WRN: variants seen among roughly 807,000 people sequenced by gnomAD.
The protein encoded by WRN is WRN RecQ like helicase.
WRN carries 149 observed loss-of-function variants against 180.7 expected under a neutral mutation model. That is an observed-to-expected ratio of 0.82 (90% CI 0.72 to 0.94). The LOEUF is 0.94. WRN is among the 40% of genes least tolerant of loss of function. The pLI is 0.00. For synonymous variants in WRN, 548 were observed against 568.9 expected, an observed-to-expected ratio of 0.96 and a Z score of 0.52; for missense variants, 1,661 against 1,700.1, an observed-to-expected ratio of 0.98 and a Z score of 0.40.
chr8:31,143,364 T>A (rs1802735633), intron 27 of WRN, among the ~76,000 whole-genome samples, 186 bp from the exon 28 acceptor site: 1 of 152,200 alleles, frequency 6.6e-6, no homozygotes, highest in Admixed American at 6.5e-5. Flanking sequence ...GACATTGGAA[T>A]GCGTTTCTAA....
rs1230655423 is a variant in WRN, at chr8:31,083,910, C to T, written c.1350+131C>T. On this transcript the variant is annotated intron_variant, in intron 10 of 34. Coordinates refer to ENST00000298139, the MANE Select transcript of WRN (RefSeq NM_000553.6). ...CTACTAATTATGTAACATTAGATTT[C>T]ACATTTTCCAATTCATGTTTCTTTC... is the stretch of plus-strand genomic sequence containing the variant. 7 of 984,600 alleles carry T rather than the reference C, an allele frequency of 7.1e-6. No homozygotes were observed. In the East Asian group the frequency reaches 1.9e-4, roughly 27 times the overall value. The allele number at this position is 984,600 out of a possible 1,614,324, so 61.0% of individuals were successfully genotyped here.
Position 31,059,539 on chromosome 8 carries a change from G to GT in WRN, c.209+280dup, listed in dbSNP as rs1176960446. Among the ~76,000 whole-genome samples the GT allele has an allele frequency of 4.6e-5, 7 of 152,108 alleles. 1 individual carries two copies. The South Asian group carries it at 1.5e-3, about 32-fold the overall frequency. ...ATGTGCTGCTGAAGCGAGCACGACA[G>GT]TTTTTTAACTTTCAGTACTTAAGAT... On this transcript the variant is annotated intron_variant, in intron 3 of 34. Transcript: ENST00000298139.
intron 33 of WRN, among the ~76,000 whole-genome samples, chr8:31,159,881 G>T (rs2130490366): frequency 6.7e-6 from 1 of 148,724 alleles, no homozygotes; most frequent in East Asian, 2.0e-4. Flanking sequence ...GGAGGCGGAG[G>T]TTGCAGTGAG....
In WRN at chr8:31,083,699, C is replaced by T. The variant is rs2130132983; in HGVS notation, c.1270C>T (p.His424Tyr). The change falls in exon 10 of 35, where the codon CAT (histidine) becomes TAT (tyrosine). Residue 424 changes from histidine to tyrosine, a missense_variant and splice_region_variant. Coordinates refer to ENST00000298139, the MANE Select transcript of WRN (RefSeq NM_000553.6). ...TTAATGCTTAATACTTTTTTTAAAG[C>T]ATTTATCTCCCAATGATAATGAAAA... ...LSDIAYKSTE[H>Y]LSPNDNENDT... 1 of 1,609,936 alleles carries T rather than the reference C, an allele frequency of 6.2e-7. No homozygotes were observed. Among genetic ancestry groups the T allele is most frequent in the Non-Finnish European group, 8.5e-7 (1 of 1,177,024 alleles).
chr8:31,098,379 G>T (rs1814078745), intron 17 of WRN, among the ~76,000 whole-genome samples: 1 of 152,064 alleles, frequency 6.6e-6, no homozygotes, highest in African/African-American at 2.4e-5. Flanking sequence ...TGAATAATAA[G>T]CTTAAGTATT....
rs998026026 is a variant in WRN, at chr8:31,173,655, A to T, written c.*553A>T. On this transcript the variant is annotated 3_prime_UTR_variant, in exon 35 of 35. Transcript: ENST00000298139. ...TAAATAGGGAAAAAACATGTAAAAA[A>T]TGTAAAATGGAGACCAATTGCACTA... The T allele has an allele frequency of 5.3e-5, 9 of 168,972 alleles. No homozygotes were observed. The highest frequency in any genetic ancestry group is 1.9e-4 in the African/African-American group (8 of 42,030). The allele number at this position is 168,972 out of a possible 1,614,324, so 10.5% of individuals were successfully genotyped here. A position where few individuals can be genotyped will look rare whatever the true frequency, so the allele number is the denominator to read the frequency against.
At chr8:31,044,517 C>T (rs1811785100) in intron 1 of WRN, among the ~76,000 whole-genome samples, 1 of 151,850 alleles carries the variant, frequency 6.6e-6, no homozygotes, top group East Asian at 1.9e-4. Context: ...CCACCATGCT[C>T]TGCTAATTTT....
chr8:31,064,241 GTTTAAAAT>G, intron 3 of WRN, 40 bp from the exon 4 acceptor site: 1 of 1,609,130 alleles, frequency 6.2e-7, no homozygotes, highest in Non-Finnish European at 8.5e-7. Flanking sequence ...TTATGCAGAA[GTTTAAAAT>G]TTTAACATAA....
rs2130121770 is a variant in WRN at position 31,081,296 on chromosome 8, G to A, written c.1269G>A (p.Glu423=). 6.2e-7 allele frequency: 1 copy of A among 1,613,136 alleles called. No homozygotes were observed. Among genetic ancestry groups the A allele is most frequent in the South Asian group, 1.1e-5 (1 of 90,980 alleles). The part of the protein sequence containing the change: ...YLSDIAYKST[E]HLSPNDNEND... ...GTGATATTGCTTATAAATCTACTGA[G>A]GTACTAAATAAAGAGGAAGCACATT... The change falls in exon 9 of 35, where the codon GAG becomes GAA. Residue 423 remains glutamate (E), a splice_region_variant and synonymous_variant. Coordinates refer to ENST00000298139, the MANE Select transcript of WRN (RefSeq NM_000553.6).
At chr8:31,114,802 T>A (rs1305339878) in intron 19 of WRN, among the ~76,000 whole-genome samples, 8 of 152,166 alleles carry the variant, frequency 5.3e-5, no homozygotes, top group African/African-American at 1.9e-4. Context: ...TATTGCATTT[T>A]CTTAAATTAG....
chr8:31,075,450 GCCTGTAATCCCA>G (rs1216709401), intron 7 of WRN, among the ~76,000 whole-genome samples: 3 of 152,096 alleles, frequency 2.0e-5, no homozygotes, highest in Non-Finnish European at 2.9e-5. Flanking sequence ...GGCAGCTCAT[GCCTGTAATCCCA>G]GCACTTTGGG....
chr8:31,146,975 C>A (rs1802878093), intron 28 of WRN, 78 bp from the exon 29 acceptor site: 2 of 1,224,742 alleles, frequency 1.6e-6, no homozygotes, highest in African/African-American at 1.5e-5. Flanking sequence ...GAAAGACATT[C>A]TCATTTAGGG....
chr8:31,035,409 GGAGGAGAAGA>G (rs1444396576), intron 1 of WRN, among the ~76,000 whole-genome samples: 3 of 152,130 alleles, frequency 2.0e-5, no homozygotes, highest in Admixed American at 6.5e-5. Flanking sequence ...GACGTTCTCT[GGAGGAGAAGA>G]AAGTACAAAG....
intron 3 of WRN, among the ~76,000 whole-genome samples, chr8:31,062,239 G>A (rs1017501209): frequency 6.6e-6 from 1 of 151,996 alleles, no homozygotes. Context: ...GGTGAGTCTG[G>A]CCTCCCTTGT....
At chr8:31,070,144 G>A (rs1241831928) in intron 7 of WRN, among the ~76,000 whole-genome samples, 1 of 151,110 alleles carries the variant, frequency 6.6e-6, no homozygotes, top group Non-Finnish European at 1.5e-5. Flanking sequence ...TTGTGGTTTT[G>A]GTAATTTTTA....
chr8:31,112,378 G>A (rs1285588698), intron 19 of WRN, among the ~76,000 whole-genome samples: 1 of 152,132 alleles, frequency 6.6e-6, no homozygotes, highest in East Asian at 1.9e-4. Flanking sequence ...ACACAGTGGA[G>A]CCTGTATTGT....
intron 1 of WRN, among the ~76,000 whole-genome samples, chr8:31,054,936 C>A (rs1032121819): frequency 6.6e-6 from 1 of 152,090 alleles, no homozygotes; most frequent in Admixed American, 6.6e-5. Flanking sequence ...GTATTCTCAT[C>A]GTTCGGCTCC....
At position 31,116,563 on chromosome 8, in the gene WRN, C is replaced by T. The variant is rs572283212; in HGVS notation, c.2448+35C>T. ...TCAATCATCATTGCTCTCCGTTGCTCATAGTGGAAGTGGATATTTCTCAAA... is the reference window on the plus strand; with the variant it reads ...TCAATCATCATTGCTCTCCGTTGCTTATAGTGGAAGTGGATATTTCTCAAA... On this transcript the variant is annotated intron_variant, in intron 20 of 34. Coordinates refer to ENST00000298139, the MANE Select transcript of WRN (RefSeq NM_000553.6). The T allele has an allele frequency of 2.2e-4, 357 of 1,611,174 alleles. 2 individuals carry two copies. The South Asian group carries it at 3.5e-3, about 16-fold the overall frequency.
At chr8:31,172,282 G>T (rs543058342) in intron 34 of WRN, among the ~76,000 whole-genome samples, 1 of 152,106 alleles carries the variant, frequency 6.6e-6, no homozygotes, top group East Asian at 1.9e-4. Flanking sequence ...TGTTGGGATT[G>T]CAGGCGTGAG....
Sources: gnomAD v4.1 joint callset for allele counts (sites outside exome capture counted in the v4.1 genomes callset) on GRCh38, gnomAD v4.1.1 for gene constraint, MANE v1.5 for transcripts, NCBI Gene and HGNC (gene_info 2026-07-23, HGNC 2026-07-21) for gene names.